Variants in FAM3C observed in about 807,000 individuals in gnomAD.
FAM3C encodes the protein FAM3 metabolism regulating signaling molecule C.
A neutral mutation model predicts 32.5 loss-of-function variants in FAM3C; 15 were observed. That is an observed-to-expected ratio of 0.46 (90% confidence interval 0.31 to 0.71). FAM3C has a LOEUF of 0.71. Among genes scored for constraint, FAM3C ranks in the 30% least tolerant of loss-of-function variants. The pLI, the probability that FAM3C is intolerant of heterozygous loss-of-function variation, is 0.05. For missense variants in FAM3C, 175 were observed against 274.4 expected (o/e 0.64, Z 2.56); for synonymous variants, 75 against 86.1 (o/e 0.87, Z 0.72).
intron 7 of FAM3C, among the ~76,000 whole-genome samples, chr7:121,361,733 T>C (rs1390604539): frequency 2.0e-5 from 3 of 152,212 alleles, no homozygotes; most frequent in Non-Finnish European, 4.4e-5. Flanking sequence ...TGGAGTGCAG[T>C]GGCAAGATCT....
intron 3 of FAM3C, among the ~76,000 whole-genome samples, chr7:121,375,478 T>C (rs1794221250): frequency 6.6e-6 from 1 of 152,118 alleles, no homozygotes; most frequent in African/African-American, 2.4e-5. Flanking sequence ...CTCTAGTAAC[T>C]GGAAATACTA....
At chr7:121,358,031 G>GC (rs35682832) in intron 8 of FAM3C, among the ~76,000 whole-genome samples, 38,804 of 151,926 alleles carry the variant, frequency 0.26, 5,938 homozygotes, top group African/African-American at 0.44. Context: ...AAAGCAAATA[G>GC]CAAGTTACCT....
chr7:121,382,269 G>T (rs546876622), intron 2 of FAM3C, among the ~76,000 whole-genome samples: 4 of 152,112 alleles, frequency 2.6e-5, no homozygotes, highest in African/African-American at 9.6e-5. Flanking sequence ...ACATCTAATG[G>T]TGTTTTTCAA....
At chr7:121,381,401 A>C (rs1051355334) in intron 2 of FAM3C, among the ~76,000 whole-genome samples, 1 of 152,198 alleles carries the variant, frequency 6.6e-6, no homozygotes, top group Non-Finnish European at 1.5e-5. Context: ...CAGTTCCCTC[A>C]AGACCTATAC....
At chr7:121,388,708 T>C (rs1794515754) in intron 1 of FAM3C, among the ~76,000 whole-genome samples, 1 of 152,188 alleles carries the variant, frequency 6.6e-6, no homozygotes, top group African/African-American at 2.4e-5. Context: ...CTTTTCTTAT[T>C]TTCTTAAGTA....
intron 1 of FAM3C, among the ~76,000 whole-genome samples, chr7:121,387,420 T>C (rs1794487374): frequency 6.6e-6 from 1 of 152,194 alleles, no homozygotes; most frequent in Non-Finnish European, 1.5e-5. Context: ...TGACAGGTCC[T>C]CTTAGAAGTA....
At chr7:121,394,951 G>A (rs62476351) in intron 1 of FAM3C, among the ~76,000 whole-genome samples, 2 of 152,174 alleles carry the variant, frequency 1.3e-5, no homozygotes, top group African/African-American at 4.8e-5. Flanking sequence ...AAACGTAACT[G>A]CAAATTGGCC....
intron 8 of FAM3C, among the ~76,000 whole-genome samples, chr7:121,352,673 C>T (rs1584687549): frequency 6.6e-6 from 1 of 152,352 alleles, no homozygotes; most frequent in Middle Eastern, 3.4e-3. Context: ...TCCTCTGCAG[C>T]TTCGTTTCCT....
At chr7:121,377,682 T>C (rs576732511) in intron 3 of FAM3C, among the ~76,000 whole-genome samples, 1 of 152,346 alleles carries the variant, frequency 6.6e-6, no homozygotes, top group South Asian at 2.1e-4. Flanking sequence ...AGACCATATA[T>C]AGAGTGGTAG....
chr7:121,351,576 G>A (rs898856464), intron 8 of FAM3C: 1 of 244,168 alleles, frequency 4.1e-6, no homozygotes, highest in Non-Finnish European at 7.9e-6. Context: ...GGATACCACA[G>A]TTAGTAGATG....
chr7:121,383,494 C>G (rs1042763971), intron 1 of FAM3C, among the ~76,000 whole-genome samples: 3 of 152,122 alleles, frequency 2.0e-5, no homozygotes, highest in African/African-American at 7.2e-5. Context: ...GTGCCACTAC[C>G]ATAAGCATTT....
chr7:121,361,468 C>G (rs1297330843), intron 7 of FAM3C, among the ~76,000 whole-genome samples: 1 of 152,146 alleles, frequency 6.6e-6, no homozygotes, highest in Non-Finnish European at 1.5e-5. Context: ...AATTAATCTA[C>G]CTGTGACAAG....
In FAM3C at chr7:121,361,547, T is replaced by G. The variant is rs531837368; in HGVS notation, c.382+1350A>C. 2.6e-5 allele frequency among the ~76,000 whole-genome samples: 4 copies of G among 152,384 alleles called. No homozygotes were observed. In the East Asian group the frequency reaches 7.7e-4, roughly 29 times the overall value. ...AACAACAGCTTTGTAAGACTCTTTC[T>G]ATCAATAAATTTTGGCAGGACCAAT... On this transcript the variant is annotated intron_variant, in intron 7 of 9. Transcript: ENST00000359943.
chr7:121,367,179 G>A lies in FAM3C; in HGVS notation c.273-2991C>T, dbSNP rs532381538. On this transcript the variant is annotated intron_variant, in intron 5 of 9. Transcript: ENST00000359943. ...TTTCTTTTATCCTTCATGAATATAA[G>A]GTACCCCTTCCCACATCTCTAGGCA... is the stretch of plus-strand genomic sequence containing the variant. Among the ~76,000 whole-genome samples, 3 of 152,178 alleles carry A rather than the reference G, an allele frequency of 2.0e-5. No individual in the cohort carries two copies. In the East Asian group the frequency reaches 5.8e-4, roughly 29 times the overall value.
intron 1 of FAM3C, among the ~76,000 whole-genome samples, chr7:121,386,834 T>C (rs1261079827): frequency 1.3e-5 from 2 of 151,924 alleles, no homozygotes; most frequent in African/African-American, 2.4e-5. Flanking sequence ...GAGATAATAC[T>C]AAAATCAAAA....
intron 5 of FAM3C, among the ~76,000 whole-genome samples, chr7:121,370,854 G>C (rs1033198083): frequency 1.3e-5 from 2 of 152,226 alleles, no homozygotes; most frequent in East Asian, 1.9e-4. Flanking sequence ...CGATGAAAAT[G>C]CTCTCTCTGC....
intron 8 of FAM3C, among the ~76,000 whole-genome samples, chr7:121,353,538 G>A (rs1793749780): frequency 6.6e-6 from 1 of 152,184 alleles, no homozygotes. Flanking sequence ...TTTGCGGAGG[G>A]CTCCTATCAT....
intron 5 of FAM3C, among the ~76,000 whole-genome samples, chr7:121,366,743 C>T (rs1163906373): frequency 1.3e-5 from 2 of 152,116 alleles, no homozygotes; most frequent in African/African-American, 4.8e-5. Context: ...TAGCTTGGAG[C>T]ATATACATTT....
intron 3 of FAM3C, among the ~76,000 whole-genome samples, chr7:121,374,671 T>C (rs1262503162): frequency 2.0e-5 from 3 of 152,214 alleles, no homozygotes; most frequent in Admixed American, 6.5e-5. Context: ...CAATTAAATT[T>C]TGGCCAATTC....
Sources: allele counts gnomAD v4.1 joint callset (sites outside exome capture counted in the v4.1 genomes callset), GRCh38; gene constraint gnomAD v4.1.1; transcripts MANE v1.5; gene names NCBI Gene and HGNC (gene_info 2026-07-23, HGNC 2026-07-21).